The following NEIL2 variants were observed in gnomAD, a reference collection of about 807,000 sequenced individuals.
NEIL2 encodes endonuclease 8-like 2.
In NEIL2, 23 loss-of-function variants were observed where a neutral mutation model predicts 22.2. That is an observed-to-expected ratio of 1.04 (90% CI 0.75 to 1.47). The LOEUF (loss-of-function observed/expected upper bound fraction) is 1.47, where lower values mean the gene tolerates loss of function less well. Among genes scored for constraint, NEIL2 ranks in the 40% most tolerant of loss-of-function variants. The probability of loss-of-function intolerance (pLI) is 0.00; values close to 1 mark genes in which losing one functional copy is unlikely to be tolerated. For synonymous variants in NEIL2, 229 were observed against 164.8 expected (o/e 1.39, Z -2.99); for missense variants, 583 against 404.7 (o/e 1.44, Z -3.78).
intron 4 of NEIL2, among the ~76,000 whole-genome samples, chr8:11,785,087 G>C (rs989417353): frequency 6.6e-6 from 1 of 152,172 alleles, no homozygotes; most frequent in Non-Finnish European, 1.5e-5. Flanking sequence ...GCCCAGGCTG[G>C]TCTTGAACTT....
At chr8:11,777,784 G>A (rs889404247) in intron 2 of NEIL2, among the ~76,000 whole-genome samples, 1 of 152,220 alleles carries the variant, frequency 6.6e-6, no homozygotes, top group African/African-American at 2.4e-5. Context: ...AGCAATGTAA[G>A]TCTATTTAGC....
intron 2 of NEIL2, among the ~76,000 whole-genome samples, chr8:11,778,149 A>T (rs1278945570): frequency 4.6e-5 from 7 of 152,202 alleles, no homozygotes; most frequent in African/African-American, 1.4e-4. Context: ...CCTGACCTAG[A>T]CATTTTTGAC....
intron 4 of NEIL2, among the ~76,000 whole-genome samples, chr8:11,783,893 C>T (rs1207503098): frequency 3.3e-5 from 5 of 152,322 alleles, no homozygotes; most frequent in Middle Eastern, 3.4e-3. Flanking sequence ...GGTTCTTATG[C>T]GACGCGAGTG....
At chr8:11,777,951 A>G (rs868231336) in intron 2 of NEIL2, among the ~76,000 whole-genome samples, 2 of 152,212 alleles carry the variant, frequency 1.3e-5, no homozygotes, top group South Asian at 4.1e-4. Flanking sequence ...TAAGTTTCCA[A>G]CACATACTTT....
chr8:11,771,664 G>A, intron 2 of NEIL2, 79 bp downstream of exon 2: 2 of 1,471,372 alleles, frequency 1.4e-6, no homozygotes, highest in Non-Finnish European at 1.8e-6. Context: ...ATATGTCTCA[G>A]GGTGTCACTT....
intron 4 of NEIL2, among the ~76,000 whole-genome samples, chr8:11,784,301 A>G (rs574568088): frequency 1.3e-5 from 2 of 152,358 alleles, no homozygotes; most frequent in East Asian, 3.9e-4. Flanking sequence ...AAGAGCTAAC[A>G]GTAACAGTAG....
chr8:11,772,694 C>T lies in NEIL2; in HGVS notation c.138+1109C>T, dbSNP rs115931390. Among the ~76,000 whole-genome samples, 671 of 152,300 alleles carry T rather than the reference C, an allele frequency of 4.4e-3. 5 individuals carry two copies. The highest frequency in any genetic ancestry group is 0.016 in the African/African-American group (654 of 41,562). ...GTGCCCCCAGCACTTAGCTGAGTGC[C>T]GGCACGTAGGAAGCACGGGTGGTGC... On this transcript the variant is annotated intron_variant, in intron 2 of 4. Coordinates refer to ENST00000284503, the MANE Select transcript of NEIL2 (RefSeq NM_145043.4).
chr8:11,784,654 C>A (rs1804735055), intron 4 of NEIL2, among the ~76,000 whole-genome samples: 1 of 152,188 alleles, frequency 6.6e-6, no homozygotes, highest in Non-Finnish European at 1.5e-5. Context: ...TATAATGGCC[C>A]AGCAAGCATG....
intron 3 of NEIL2, chr8:11,782,731 G>T (rs892630585): frequency 4.3e-6 from 1 of 232,360 alleles, no homozygotes; most frequent in South Asian, 7.0e-5. Context: ...ATGTCTGTAT[G>T]TGTGTATGAT....
rs780809334 is a variant in NEIL2, at chr8:11,779,602, A to G, written c.143A>G (p.His48Arg). Residue 48 changes from histidine (H) to arginine (R), a missense_variant, in exon 3 of 5, where the codon CAT (histidine) becomes CGT (arginine). His to Arg is a conservative substitution (Grantham distance 29, BLOSUM62 0). Transcript: ENST00000284503. ...QSLWLQDTQV[H>R]GKKLFLRFDL... Reference sequence around the variant, plus strand: ...ATCTCTGTTCATTTTTTCTAGGTCCATGGAAAGAAATTATTCCTTAGATTT... The same window carrying G: ...ATCTCTGTTCATTTTTTCTAGGTCCGTGGAAAGAAATTATTCCTTAGATTT... The G allele has an allele frequency of 2.5e-5, 40 of 1,610,834 alleles. No homozygotes were observed. The highest frequency in any genetic ancestry group is 5.0e-5 in the Admixed American group (3 of 59,996).
chr8:11,780,643 A>G (rs1181264709), intron 3 of NEIL2, among the ~76,000 whole-genome samples: 2 of 152,176 alleles, frequency 1.3e-5, no homozygotes, highest in African/African-American at 4.8e-5. Flanking sequence ...CCGCCTCCCA[A>G]AGTGCTGGGA....
chr8:11,782,196 G>T (rs1349743776), intron 3 of NEIL2, among the ~76,000 whole-genome samples: 1 of 152,184 alleles, frequency 6.6e-6, no homozygotes, highest in Non-Finnish European at 1.5e-5. Context: ...GCCGAGGCAG[G>T]TGGATCACCT....
At position 11,784,002 on chromosome 8, in the gene NEIL2, T is replaced by C. The variant is rs1315979793; in HGVS notation, c.688+603T>C. Among the ~76,000 whole-genome samples the C allele has an allele frequency of 2.6e-5, 4 of 152,178 alleles. No homozygotes were observed. In the East Asian group the frequency reaches 7.7e-4, roughly 29 times the overall value. On this transcript the variant is annotated intron_variant, in intron 4 of 4. Transcript: ENST00000284503. ...TGCTGAACAATTTCAAAAATACATA[T>C]AACAGCTAATTAGCGGGACTATGAC...
intron 3 of NEIL2, among the ~76,000 whole-genome samples, chr8:11,782,308 C>G (rs910679108): frequency 2.0e-5 from 3 of 152,028 alleles, no homozygotes; most frequent in African/African-American, 7.3e-5. Context: ...ACCTGTAATC[C>G]CAGCTACTCG....
intron 3 of NEIL2, among the ~76,000 whole-genome samples, chr8:11,781,447 A>G (rs1157163965): frequency 6.6e-6 from 1 of 152,196 alleles, no homozygotes; most frequent in South Asian, 2.1e-4. Context: ...AGAGCAGATC[A>G]TTTTTAGAAG....
At chr8:11,784,686 C>G (rs1163617071) in intron 4 of NEIL2, among the ~76,000 whole-genome samples, 3 of 152,118 alleles carry the variant, frequency 2.0e-5, no homozygotes, top group South Asian at 2.1e-4. Flanking sequence ...CTGTGGGTTA[C>G]TAAAGATTGC....
At chr8:11,776,140 A>G (rs1803887345) in intron 2 of NEIL2, among the ~76,000 whole-genome samples, 1 of 152,240 alleles carries the variant, frequency 6.6e-6, no homozygotes, top group Admixed American at 6.5e-5. Context: ...ACAATTCCAC[A>G]TGTCTGGGGA....
chr8:11,785,745 C>T lies in NEIL2; in HGVS notation c.689-218C>T, dbSNP rs143563091. Among the ~76,000 whole-genome samples the T allele has an allele frequency of 1.7e-3, 252 of 152,262 alleles. 2 individuals are homozygous for T. Among genetic ancestry groups the T allele is most frequent in the Non-Finnish European group, 2.6e-3 (176 of 68,028 alleles). ...GTTTTTGATAGCCTGTTTGCCATGACGGGCCATGCATGAGTTTCATTTCAT... is the reference window on the plus strand; with the variant it reads ...GTTTTTGATAGCCTGTTTGCCATGATGGGCCATGCATGAGTTTCATTTCAT... On this transcript the variant is annotated intron_variant, in intron 4 of 4. Transcript: ENST00000284503.
At chr8:11,774,130 C>T (rs543395144) in intron 2 of NEIL2, among the ~76,000 whole-genome samples, 1 of 152,262 alleles carries the variant, frequency 6.6e-6, no homozygotes, top group Non-Finnish European at 1.5e-5. Flanking sequence ...AATCCCAGCA[C>T]TTTGGGAGGC....
Sources: gnomAD v4.1 joint callset for allele counts (sites outside exome capture counted in the v4.1 genomes callset) on GRCh38, gnomAD v4.1.1 for gene constraint, MANE v1.5 for transcripts, NCBI Gene and HGNC (gene_info 2026-07-23, HGNC 2026-07-21) for gene names.